Variants in PPARGC1A observed in about 807,000 individuals in gnomAD.
PPARGC1A encodes the protein PPARG coactivator 1 alpha.
In PPARGC1A, 25 loss-of-function variants were observed where a neutral mutation model predicts 88.7. That is an observed-to-expected ratio of 0.28 (90% CI 0.21 to 0.39). The LOEUF (loss-of-function observed/expected upper bound fraction) is 0.39, where lower values mean the gene tolerates loss of function less well. Ranked by LOEUF, PPARGC1A falls within the 10% of genes least tolerant of loss-of-function variation. PPARGC1A has a pLI of 1.00. For synonymous variants in PPARGC1A, 363 were observed against 355.6 expected, an observed-to-expected ratio of 1.02 and a Z score of -0.24; for missense variants, 880 against 968.7, an observed-to-expected ratio of 0.91 and a Z score of 1.22.
the PPARGC1A span, among the ~76,000 whole-genome samples, chr4:24,067,032 G>C: frequency 6.6e-6 from 1 of 152,016 alleles, no homozygotes; most frequent in African/African-American, 2.4e-5. Flanking sequence ...ATGATTAACA[G>C]ATTACTCCAA....
the PPARGC1A span, among the ~76,000 whole-genome samples, chr4:24,281,780 T>C: frequency 1.1e-4 from 16 of 152,272 alleles, 1 homozygote; most frequent in African/African-American, 3.4e-4. Context: ...TATTTTTCTT[T>C]TGGCTTGCTG....
chr4:24,173,823 ACATTTGAAGAGTTATC>A, the PPARGC1A span, among the ~76,000 whole-genome samples: 1 of 152,352 alleles, frequency 6.6e-6, no homozygotes, highest in East Asian at 1.9e-4. Context: ...AAATGGGATA[ACATTTGAAGAGTTATC>A]ACCCATCATT....
the PPARGC1A span, among the ~76,000 whole-genome samples, chr4:23,961,848 C>A: frequency 6.6e-6 from 1 of 152,152 alleles, no homozygotes; most frequent in Non-Finnish European, 1.5e-5. Flanking sequence ...TCCTTTTACC[C>A]ATAAGGTGAT....
chr4:23,798,479 T>C (rs993340324), intron 12 of PPARGC1A, among the ~76,000 whole-genome samples: 3 of 152,174 alleles, frequency 2.0e-5, no homozygotes, highest in Non-Finnish European at 4.4e-5. Context: ...TGGGAACGAT[T>C]TATCAATGAA....
In PPARGC1A at chr4:23,795,421, C is replaced by G. The variant is rs879052657; in HGVS notation, c.*401G>C. ...TGCCATTTGAAATGGTTTGCCCTTG[C>G]GCATTCTGGTCAGGTGCCCCCAGTC... On this transcript the variant is annotated 3_prime_UTR_variant, in exon 13 of 13. Coordinates refer to ENST00000264867, the MANE Select transcript of PPARGC1A (RefSeq NM_013261.5). 28 of 154,028 alleles carry G rather than the reference C, an allele frequency of 1.8e-4. No homozygotes were observed. Among genetic ancestry groups the G allele is most frequent in the African/African-American group, 6.6e-4 (27 of 41,130 alleles). The allele number at this position is 154,028 out of a possible 1,614,324, so 9.5% of individuals were successfully genotyped here. A position where few individuals can be genotyped will look rare whatever the true frequency, so the allele number is the denominator to read the frequency against.
chr4:23,966,579 C>A, the PPARGC1A span, among the ~76,000 whole-genome samples: 1 of 152,202 alleles, frequency 6.6e-6, no homozygotes, highest in Non-Finnish European at 1.5e-5. Flanking sequence ...TCTCACCCAT[C>A]TCCCGTAGTT....
intron 2 of PPARGC1A, among the ~76,000 whole-genome samples, chr4:23,868,767 G>T (rs1712620684): frequency 6.6e-6 from 1 of 152,202 alleles, no homozygotes; most frequent in African/African-American, 2.4e-5. Context: ...AAGGCTTAAT[G>T]TAAACACAGA....
At chr4:23,910,223 ATATAT>A in the PPARGC1A span, among the ~76,000 whole-genome samples, 6 of 64,742 alleles carry the variant, frequency 9.3e-5, no homozygotes, top group East Asian at 2.3e-4. Context: ...ATAATATATA[ATATAT>A]TATATATAAT....
At chr4:24,130,776 CA>C in the PPARGC1A span, among the ~76,000 whole-genome samples, 1 of 152,114 alleles carries the variant, frequency 6.6e-6, no homozygotes, top group Non-Finnish European at 1.5e-5. Flanking sequence ...ACCCATGCCA[CA>C]AGCTGCTGAA....
the PPARGC1A span, among the ~76,000 whole-genome samples, chr4:24,099,985 G>T: frequency 1.6e-5 from 2 of 127,064 alleles, no homozygotes; most frequent in South Asian, 6.5e-4. Context: ...GGTGGGGGGA[G>T]GGGGGAGGGA....
chr4:24,075,426 T>C, the PPARGC1A span, among the ~76,000 whole-genome samples: 1 of 152,164 alleles, frequency 6.6e-6, no homozygotes, highest in East Asian at 1.9e-4. Context: ...TCCAGAAATG[T>C]TCCATGGAGA....
the PPARGC1A span, among the ~76,000 whole-genome samples, chr4:23,931,434 CT>C: frequency 2.0e-4 from 30 of 148,748 alleles, no homozygotes; most frequent in South Asian, 1.5e-3. Flanking sequence ...CCCGCCCTGA[CT>C]TTTTTTTTTA....
chr4:23,997,627 G>A, the PPARGC1A span, among the ~76,000 whole-genome samples: 59 of 147,622 alleles, frequency 4.0e-4, 1 homozygote, highest in Non-Finnish European at 5.8e-4. Context: ...TCAGCCTCCC[G>A]AGTAGCTGGT....
the PPARGC1A span, among the ~76,000 whole-genome samples, chr4:23,962,860 G>T: frequency 6.6e-6 from 1 of 152,164 alleles, no homozygotes; most frequent in Non-Finnish European, 1.5e-5. Flanking sequence ...ACCACTAAAA[G>T]AAGGGAGGCC....
chr4:24,467,081 G>GGA, the PPARGC1A span, among the ~76,000 whole-genome samples: 505 of 129,482 alleles, frequency 3.9e-3, 2 homozygotes, highest in African/African-American at 0.011. Context: ...AGAAAGAAAG[G>GGA]GAGAGAGAGA....
the PPARGC1A span, among the ~76,000 whole-genome samples, chr4:24,119,331 G>A: frequency 6.7e-3 from 1,022 of 152,184 alleles, 18 homozygotes; most frequent in Middle Eastern, 0.02. Flanking sequence ...AAGCACATTC[G>A]GAATGTCTCT....
At chr4:23,894,340 C>T (rs1260610428), upstream of PPARGC1A, among the ~76,000 whole-genome samples, 6 of 151,896 alleles carry the variant, frequency 4.0e-5, no homozygotes, top group Non-Finnish European at 4.4e-5. Context: ...AGTTTCTAAA[C>T]ACATGCTTTG....
chr4:24,077,849 T>C, the PPARGC1A span, among the ~76,000 whole-genome samples: 4 of 152,202 alleles, frequency 2.6e-5, no homozygotes, highest in African/African-American at 7.2e-5. Flanking sequence ...TGGGCTGATC[T>C]TCAAATTTTC....
chr4:24,048,534 T>C, the PPARGC1A span, among the ~76,000 whole-genome samples: 7 of 152,200 alleles, frequency 4.6e-5, no homozygotes, highest in Non-Finnish European at 1.0e-4. Flanking sequence ...TTCTCAAGAA[T>C]GATGAATGTA....
Sources: gnomAD v4.1 joint callset for allele counts (sites outside exome capture counted in the v4.1 genomes callset) on GRCh38, gnomAD v4.1.1 for gene constraint, MANE v1.5 for transcripts, NCBI Gene and HGNC (gene_info 2026-07-23, HGNC 2026-07-21) for gene names.